ATXN7: variants seen among roughly 807,000 people sequenced by gnomAD.
ATXN7 encodes ataxin-7.
ATXN7 carries 12 observed loss-of-function variants against 70.5 expected under a neutral mutation model. That is an observed-to-expected ratio of 0.17 (90% CI 0.11 to 0.28). The LOEUF (loss-of-function observed/expected upper bound fraction) is 0.28, where lower values mean the gene tolerates loss of function less well. ATXN7 is among the 10% of genes least tolerant of loss of function. The pLI, the probability that ATXN7 is intolerant of heterozygous loss-of-function variation, is 1.00. For missense variants in ATXN7, 1,256 were observed against 1,131.7 expected (o/e 1.11, Z -1.58); for synonymous variants, 498 against 448.7 (o/e 1.11, Z -1.39).
At chr3:63,921,275 G>C (rs1243738281) in intron 4 of ATXN7, among the ~76,000 whole-genome samples, 1 of 152,056 alleles carries the variant, frequency 6.6e-6, no homozygotes, top group Non-Finnish European at 1.5e-5. Context: ...TTCCCTCCCA[G>C]GTTATACAGA....
intron 4 of ATXN7, among the ~76,000 whole-genome samples, chr3:63,923,000 C>A (rs1227046021): frequency 1.3e-5 from 2 of 152,176 alleles, no homozygotes. Context: ...CTACTTTGGG[C>A]AGTTACTGGT....
intron 4 of ATXN7, among the ~76,000 whole-genome samples, chr3:63,946,125 C>G (rs1559641901): frequency 6.6e-6 from 1 of 152,166 alleles, no homozygotes; most frequent in Admixed American, 6.5e-5. Context: ...CTAGGCAAGG[C>G]AAAGAGTCTG....
At chr3:63,938,184 G>T (rs1250241341) in intron 4 of ATXN7, among the ~76,000 whole-genome samples, 1 of 152,144 alleles carries the variant, frequency 6.6e-6, no homozygotes, top group Non-Finnish European at 1.5e-5. Context: ...ATGTTGACCA[G>T]GTTCCCCGGG....
At chr3:63,929,043 A>G (rs370773536) in intron 4 of ATXN7, among the ~76,000 whole-genome samples, 7 of 152,282 alleles carry the variant, frequency 4.6e-5, no homozygotes, top group Middle Eastern at 3.4e-3. Context: ...TGTAGAATGC[A>G]TGGTGGAGAA....
At chr3:63,984,391 C>T (rs1382120611) in intron 8 of ATXN7, among the ~76,000 whole-genome samples, 2 of 152,040 alleles carry the variant, frequency 1.3e-5, no homozygotes, top group Non-Finnish European at 2.9e-5. Flanking sequence ...ATTGGACACA[C>T]AGTGGTGTAG....
intron 5 of ATXN7, among the ~76,000 whole-genome samples, chr3:63,969,721 T>TTC (rs1192693213): frequency 6.6e-6 from 1 of 152,124 alleles, no homozygotes; most frequent in Non-Finnish European, 1.5e-5. Flanking sequence ...AAAGACTGAG[T>TTC]ATGTTTGATG....
At chr3:63,895,276 C>G (rs140846888) in intron 1 of ATXN7, among the ~76,000 whole-genome samples, 1 of 152,112 alleles carries the variant, frequency 6.6e-6, no homozygotes, top group South Asian at 2.1e-4. Flanking sequence ...CAACAAAGTT[C>G]TGAATCTTAA....
At chr3:63,880,271 C>T (rs704374) in intron 1 of ATXN7, among the ~76,000 whole-genome samples, 125,949 of 151,968 alleles carry the variant, frequency 0.83, 52,351 homozygotes, top group Admixed American at 0.88. Context: ...AGCTGTGGGA[C>T]TAAAAAAGAG....
At chr3:63,993,405 G>A (rs1314153325) in intron 11 of ATXN7, among the ~76,000 whole-genome samples, 4 of 149,318 alleles carry the variant, frequency 2.7e-5, no homozygotes, top group African/African-American at 7.4e-5. Context: ...AGCCGAGATC[G>A]CGCCACTGCA....
At chr3:63,895,675 C>T (rs1364110872) in intron 1 of ATXN7, among the ~76,000 whole-genome samples, 2 of 152,132 alleles carry the variant, frequency 1.3e-5, no homozygotes, top group African/African-American at 4.8e-5. Flanking sequence ...CAAGAACACT[C>T]CCAGGCAGAG....
chr3:63,995,484 C>T (rs565231747), intron 11 of ATXN7, 21 bp from the exon 12 acceptor site: 2 of 1,613,148 alleles, frequency 1.2e-6, no homozygotes, highest in Admixed American at 1.7e-5. Flanking sequence ...GTGTCATTCA[C>T]TGTCCTCTAA....
intron 1 of ATXN7, among the ~76,000 whole-genome samples, chr3:63,867,900 A>T (rs928817765): frequency 1.3e-5 from 2 of 150,928 alleles, no homozygotes; most frequent in Non-Finnish European, 2.9e-5. Context: ...AATAAATAAC[A>T]AACAAATAAA....
intron 5 of ATXN7, among the ~76,000 whole-genome samples, chr3:63,956,776 G>A (rs779638425): frequency 4.6e-5 from 7 of 152,174 alleles, no homozygotes; most frequent in Non-Finnish European, 7.3e-5. Flanking sequence ...TCAGAGATTC[G>A]TTGAGCCAAC....
intron 4 of ATXN7, 127 bp downstream of exon 4, chr3:63,913,352 C>A: frequency 9.8e-7 from 1 of 1,017,750 alleles, no homozygotes; most frequent in Non-Finnish European, 1.5e-6. Context: ...AAGATGCTGC[C>A]TGAGGAGGGA....
chr3:63,925,825 C>G (rs966012212), intron 4 of ATXN7, among the ~76,000 whole-genome samples: 1 of 152,116 alleles, frequency 6.6e-6, no homozygotes, highest in Non-Finnish European at 1.5e-5. Context: ...GTTAGCCAGT[C>G]TGGTGTGGAA....
intron 1 of ATXN7, among the ~76,000 whole-genome samples, chr3:63,888,426 TATC>T: frequency 6.6e-6 from 1 of 152,304 alleles, no homozygotes; most frequent in African/African-American, 2.4e-5. Context: ...TGTGTCATCT[TATC>T]ATGTGTATTT....
intron 4 of ATXN7, among the ~76,000 whole-genome samples, chr3:63,941,886 T>C (rs2074774914): frequency 6.6e-6 from 1 of 152,248 alleles, no homozygotes; most frequent in Admixed American, 6.5e-5. Context: ...ATTTAAAACT[T>C]TAAAAATATC....
intron 4 of ATXN7, 28 bp from the exon 5 acceptor site, chr3:63,952,351 T>G (rs2074969580): frequency 1.3e-6 from 2 of 1,545,896 alleles, no homozygotes; most frequent in East Asian, 4.5e-5. Flanking sequence ...ACCAGATGAG[T>G]GAGTGATGCT....
At chr3:63,987,946 C>T in intron 8 of ATXN7, 113 bp from the exon 9 acceptor site, 1 of 1,311,268 alleles carries the variant, frequency 7.6e-7, no homozygotes, top group African/African-American at 1.5e-5. Context: ...AGTAGCCTTT[C>T]ACTATGCTTA....
Sources: allele counts gnomAD v4.1 joint callset (sites outside exome capture counted in the v4.1 genomes callset), GRCh38; gene constraint gnomAD v4.1.1; transcripts MANE v1.5; gene names NCBI Gene and HGNC (gene_info 2026-07-23, HGNC 2026-07-21).